Variants in ALK observed in about 807,000 individuals in gnomAD.
ALK encodes ALK tyrosine kinase receptor.
Under a neutral mutation model 163.1 loss-of-function variants are expected in ALK, and 74 were observed. The observed-to-expected ratio is 0.45, with a 90% CI of 0.38 to 0.55. ALK has a LOEUF of 0.55. ALK is among the 20% of genes least tolerant of loss of function. The probability of loss-of-function intolerance (pLI) is 0.00; values close to 1 mark genes in which losing one functional copy is unlikely to be tolerated. For missense variants in ALK, 2,063 were observed against 2,105.3 expected (o/e 0.98, Z 0.39); for synonymous variants, 960 against 843.2 (o/e 1.14, Z -2.40).
At chr2:29,855,120 G>A (rs889514905) in intron 1 of ALK, among the ~76,000 whole-genome samples, 4 of 152,138 alleles carry the variant, frequency 2.6e-5, no homozygotes, top group African/African-American at 7.2e-5. Context: ...TGCATGGCAT[G>A]GACCTGGCAT....
intron 4 of ALK, among the ~76,000 whole-genome samples, chr2:29,484,386 C>T (rs2148120519): frequency 6.6e-6 from 1 of 152,124 alleles, no homozygotes; most frequent in Non-Finnish European, 1.5e-5. Flanking sequence ...CATATATAAA[C>T]ACACTGCTGG....
At chr2:29,579,384 A>G (rs906815862) in intron 3 of ALK, among the ~76,000 whole-genome samples, 2 of 152,154 alleles carry the variant, frequency 1.3e-5, no homozygotes, top group African/African-American at 4.8e-5. Context: ...CTTCCTTTGT[A>G]TCCCACAAGC....
At chr2:29,342,028 C>T (rs541599077) in intron 5 of ALK, among the ~76,000 whole-genome samples, 1 of 152,250 alleles carries the variant, frequency 6.6e-6, no homozygotes, top group East Asian at 1.9e-4. Context: ...AATATTCAGC[C>T]TACTATGTAT....
chr2:29,299,922 ATACT>A (rs1666316311), intron 8 of ALK, among the ~76,000 whole-genome samples: 1 of 152,192 alleles, frequency 6.6e-6, no homozygotes, highest in Non-Finnish European at 1.5e-5. Flanking sequence ...CAAGGACTTG[ATACT>A]TACCCCTGCA....
chr2:29,242,138 G>T (rs1334927191), intron 12 of ALK, among the ~76,000 whole-genome samples: 2 of 152,220 alleles, frequency 1.3e-5, no homozygotes, highest in African/African-American at 2.4e-5. Flanking sequence ...GTGAACCTGG[G>T]CAGGGGACGA....
At chr2:29,783,121 C>T (rs1317857453) in intron 1 of ALK, among the ~76,000 whole-genome samples, 1 of 152,208 alleles carries the variant, frequency 6.6e-6, no homozygotes, top group Non-Finnish European at 1.5e-5. Context: ...ACATTACGGG[C>T]TCTTCGCTTT....
chr2:29,256,038 A>C (rs1378433964), intron 11 of ALK, among the ~76,000 whole-genome samples: 1 of 152,248 alleles, frequency 6.6e-6, no homozygotes, highest in Non-Finnish European at 1.5e-5. Flanking sequence ...AGTCAGAACC[A>C]TGAGAAGACA....
At chr2:29,514,135 C>T (rs544340519) in intron 4 of ALK, among the ~76,000 whole-genome samples, 14 of 131,298 alleles carry the variant, frequency 1.1e-4, no homozygotes, top group Admixed American at 8.3e-4. Flanking sequence ...TTTGACCCAG[C>T]CATCCCATTA....
rs2148230954 is a variant in ALK at position 29,296,870 on chromosome 2, G to C, written c.1817+18C>G. 1 of 1,614,044 alleles carries C rather than the reference G, an allele frequency of 6.2e-7. No homozygotes were observed. Among genetic ancestry groups the C allele is most frequent in the Non-Finnish European group, 8.5e-7 (1 of 1,179,954 alleles). ...CTGATAGAGGAGAAGGGTATTGGGGGAGATGCATAGAGCCTACCTGTCAGA... is the reference window on the plus strand; with the variant it reads ...CTGATAGAGGAGAAGGGTATTGGGGCAGATGCATAGAGCCTACCTGTCAGA... On this transcript the variant is annotated intron_variant, in intron 9 of 28. Transcript: ENST00000389048.
chr2:29,340,266 A>G (rs1024623467), intron 5 of ALK, among the ~76,000 whole-genome samples: 1 of 152,226 alleles, frequency 6.6e-6, no homozygotes, highest in Admixed American at 6.5e-5. Flanking sequence ...AGTACTAATC[A>G]TAAACAAATT....
intron 1 of ALK, among the ~76,000 whole-genome samples, chr2:29,918,956 T>C (rs2148442063): frequency 6.6e-6 from 1 of 152,352 alleles, no homozygotes; most frequent in East Asian, 1.9e-4. Context: ...TATTCACAAG[T>C]CTTCCCCAGT....
chr2:29,908,359 CCT>C (rs10607986), intron 1 of ALK, among the ~76,000 whole-genome samples: 4,023 of 151,878 alleles, frequency 0.026, 166 homozygotes, highest in African/African-American at 0.091. Context: ...TCTTCTCTTT[CCT>C]CTCTCCCTTT....
rs753646573 is a variant in ALK at position 29,717,635 on chromosome 2, T to A, written c.730A>T (p.Asn244Tyr). ...PSPSPDYFTW[N>Y]LTWIMKDSFP... ...GAGTCTTTCATTATCCAGGTGAGAT[T>A]CCATGTAAAATAATCAGGAGAAGGA... Residue 244 changes from asparagine (N) to tyrosine (Y), a missense_variant, in exon 2 of 29, where the codon AAT (asparagine) becomes TAT (tyrosine). Physicochemically the swap from Asn to Tyr is moderately radical, Grantham distance 143. Transcript: ENST00000389048. 1.9e-6 allele frequency: 3 copies of A among 1,613,982 alleles called. No homozygotes were observed. The Admixed American group carries it at 5.0e-5, about 27-fold the overall frequency.
At chr2:29,910,220 C>G (rs2148437093) in intron 1 of ALK, among the ~76,000 whole-genome samples, 1 of 152,056 alleles carries the variant, frequency 6.6e-6, no homozygotes, top group Non-Finnish European at 1.5e-5. Context: ...AATACAGTAT[C>G]TAAAGTGAAA....
At chr2:29,819,704 TG>T (rs1664993955) in intron 1 of ALK, among the ~76,000 whole-genome samples, 1 of 152,260 alleles carries the variant, frequency 6.6e-6, no homozygotes, top group Non-Finnish European at 1.5e-5. Flanking sequence ...CTGTTGCATG[TG>T]TTTTTTTGTT....
At chr2:29,710,648 T>A (rs1427459955) in intron 2 of ALK, among the ~76,000 whole-genome samples, 1 of 152,156 alleles carries the variant, frequency 6.6e-6, no homozygotes, top group Non-Finnish European at 1.5e-5. Flanking sequence ...TCCAAGTAGC[T>A]AAGGCTACAG....
intron 4 of ALK, among the ~76,000 whole-genome samples, chr2:29,474,918 C>T (rs978496182): frequency 1.8e-4 from 28 of 152,264 alleles, no homozygotes; most frequent in Non-Finnish European, 3.8e-4. Context: ...CTGGACGGGG[C>T]CTGGCTGCCA....
intron 8 of ALK, among the ~76,000 whole-genome samples, chr2:29,314,960 A>G (rs1357094527): frequency 6.6e-6 from 1 of 152,166 alleles, no homozygotes; most frequent in African/African-American, 2.4e-5. Context: ...ACAGCAAGTG[A>G]GCACATGAAA....
In ALK at chr2:29,508,085, G is replaced by A. The variant is rs117203501; in HGVS notation, c.1154+23830C>T. Among the ~76,000 whole-genome samples the A allele has an allele frequency of 4.4e-4, 67 of 152,242 alleles. 3 individuals are homozygous for A. The East Asian group carries it at 0.012, about 28-fold the overall frequency. On this transcript the variant is annotated intron_variant, in intron 4 of 28. Coordinates refer to ENST00000389048, the MANE Select transcript of ALK (RefSeq NM_004304.5). ...AACTGAGGGTCTGATCTAGAACTTG[G>A]GGAGTGCACTGAGAAACTGCCACCC...
Sources: gnomAD v4.1 joint callset for allele counts (sites outside exome capture counted in the v4.1 genomes callset) on GRCh38, gnomAD v4.1.1 for gene constraint, MANE v1.5 for transcripts, NCBI Gene and HGNC (gene_info 2026-07-23, HGNC 2026-07-21) for gene names.